The following PRH1 variants were observed in gnomAD, a reference collection of about 807,000 sequenced individuals.
PRH1 encodes the protein proline rich protein HaeIII subfamily 1.
PRH1 carries 7 observed loss-of-function variants against 7.9 expected under a neutral mutation model. The observed-to-expected ratio is 0.89, with a 90% confidence interval of 0.50 to 1.67. The LOEUF (loss-of-function observed/expected upper bound fraction) is 1.67. Ranked by LOEUF, PRH1 falls within the 40% of genes most tolerant of loss-of-function variation. PRH1 has a pLI of 0.00. For synonymous variants in PRH1, 45 were observed against 80.8 expected, an observed-to-expected ratio of 0.56 and a Z score of 2.38; for missense variants, 109 against 223.6, an observed-to-expected ratio of 0.49 and a Z score of 3.27.
chr12:11,064,667 C>A (rs759304985), intron 1 of PRH1, among the ~76,000 whole-genome samples: 8 of 152,108 alleles, frequency 5.3e-5, no homozygotes, highest in Non-Finnish European at 1.0e-4. Context: ...ATTACCCCAA[C>A]AAGACATTAT....
chr12:11,171,441 A>T, exon 1 of PRH1: 1 of 1,231,802 alleles, frequency 8.1e-7, no homozygotes, highest in Non-Finnish European at 1.0e-6. Flanking sequence ...CGTCTTCTGC[A>T]AGGGGCTCTC....
At chr12:11,134,777 A>G (rs1289878476) in intron 1 of PRH1, 1 of 154,302 alleles carries the variant, frequency 6.5e-6, no homozygotes, top group Non-Finnish European at 1.4e-5. Context: ...TTAAATACAC[A>G]GAATCCAAAC....
At chr12:10,892,171 TCTGTTTGCTCATCAAACATA>T (rs1170521006) in intron 2 of PRH1, among the ~76,000 whole-genome samples, 2 of 152,144 alleles carry the variant, frequency 1.3e-5, no homozygotes, top group South Asian at 2.1e-4. Context: ...TTGAGGCCCT[TCTGTTTGCTCATCAAACATA>T]CTGTTTGCTC....
chr12:10,896,509 C>T (rs759245576), intron 2 of PRH1, among the ~76,000 whole-genome samples: 6 of 152,154 alleles, frequency 3.9e-5, no homozygotes, highest in Non-Finnish European at 8.8e-5. Context: ...CGCCTGTAAT[C>T]CCAGCACTTT....
At chr12:10,970,818 A>G (rs984154453) in intron 2 of PRH1, among the ~76,000 whole-genome samples, 9 of 151,466 alleles carry the variant, frequency 5.9e-5, no homozygotes, top group African/African-American at 2.2e-4. Context: ...CCACCCGCTC[A>G]GCCACCCAAA....
At chr12:10,891,254 C>T (rs943278846) in intron 2 of PRH1, among the ~76,000 whole-genome samples, 1 of 152,148 alleles carries the variant, frequency 6.6e-6, no homozygotes, top group African/African-American at 2.4e-5. Flanking sequence ...GAATAAGCAT[C>T]TGAATGTAAC....
chr12:11,101,358 T>G (rs1945242182), intron 1 of PRH1, among the ~76,000 whole-genome samples: 1 of 152,162 alleles, frequency 6.6e-6, no homozygotes, highest in Admixed American at 6.6e-5. Flanking sequence ...GGCGTAGTGG[T>G]GCACGCCTGT....
At chr12:10,929,308 C>T in intron 2 of PRH1, 1 of 1,614,118 alleles carries the variant, frequency 6.2e-7, no homozygotes, top group South Asian at 1.1e-5. Context: ...GCCCTGCTGG[C>T]CTTCAGCTCA....
intron 2 of PRH1, among the ~76,000 whole-genome samples, chr12:10,939,502 C>T (rs1163370052): frequency 1.3e-5 from 2 of 149,606 alleles, no homozygotes; most frequent in Non-Finnish European, 3.0e-5. Flanking sequence ...ACTGAATTCT[C>T]ATTTGTAAAC....
At chr12:11,066,888 T>A (rs1217839808) in intron 1 of PRH1, among the ~76,000 whole-genome samples, 1 of 152,080 alleles carries the variant, frequency 6.6e-6, no homozygotes, top group Non-Finnish European at 1.5e-5. Context: ...TTCTTTTTCT[T>A]TTACTACATT....
intron 1 of PRH1, chr12:10,997,780 G>T: frequency 6.2e-7 from 1 of 1,613,836 alleles, no homozygotes; most frequent in Non-Finnish European, 8.5e-7. Flanking sequence ...CCCAGGCAAT[G>T]AAATTTATCA....
rs199660309 is a variant in PRH1 at position 10,918,422 on chromosome 12, C to CA, written c.-58-34148dup. ...TAAAAGATCCACATGATCAAAAATG[C>CA]AAAAAAAAATAAATTATCCAACTTC... On this transcript the variant is annotated intron_variant, in intron 2 of 3. Transcript: ENST00000539853. Among the ~76,000 whole-genome samples, 924 of 148,512 alleles carry CA rather than the reference C, an allele frequency of 6.2e-3. 19 individuals carry two copies. In the East Asian group the frequency reaches 0.077, roughly 12 times the overall value.
At chr12:10,891,232 C>T (rs1204362891) in intron 2 of PRH1, among the ~76,000 whole-genome samples, 1 of 152,166 alleles carries the variant, frequency 6.6e-6, no homozygotes, top group Admixed American at 6.5e-5. Context: ...TGCCACTACT[C>T]GGTGGTTAAC....
intron 1 of PRH1, chr12:11,133,620 T>A (rs201329245): frequency 4.3e-6 from 7 of 1,614,264 alleles, no homozygotes; most frequent in Non-Finnish European, 5.9e-6. Flanking sequence ...TGGAGCTGCA[T>A]CTTCTTGAGA....
chr12:10,958,926 C>T (rs374438179), intron 2 of PRH1, among the ~76,000 whole-genome samples: 63 of 152,198 alleles, frequency 4.1e-4, no homozygotes, highest in African/African-American at 1.2e-3. Context: ...ATCAAATTTG[C>T]GTTTTTACAG....
intron 1 of PRH1, among the ~76,000 whole-genome samples, chr12:11,141,642 T>G (rs895061974): frequency 7.2e-5 from 11 of 152,334 alleles, no homozygotes; most frequent in African/African-American, 2.6e-4. Context: ...ATATTCTCTT[T>G]GGATAGTCTT....
At chr12:11,071,779 T>C (rs562761514) in intron 1 of PRH1, among the ~76,000 whole-genome samples, 2 of 152,136 alleles carry the variant, frequency 1.3e-5, no homozygotes, top group South Asian at 2.1e-4. Flanking sequence ...TCGGTGTATG[T>C]TATTCCTCTG....
intron 2 of PRH1, chr12:10,908,266 C>A: frequency 1.2e-6 from 1 of 866,686 alleles, no homozygotes; most frequent in South Asian, 2.0e-5. Context: ...TTACAGTGAC[C>A]TTCACAATAA....
intron 1 of PRH1, among the ~76,000 whole-genome samples, chr12:11,121,563 T>G (rs1030085919): frequency 4.6e-5 from 7 of 152,200 alleles, no homozygotes; most frequent in African/African-American, 7.2e-5. Context: ...TAACTACACA[T>G]AAAAAATTAT....
Sources: gnomAD v4.1 joint callset for allele counts (sites outside exome capture counted in the v4.1 genomes callset) on GRCh38, gnomAD v4.1.1 for gene constraint, MANE v1.5 for transcripts, NCBI Gene and HGNC (gene_info 2026-07-23, HGNC 2026-07-21) for gene names.